Variants in TMCO6 observed in about 807,000 individuals in gnomAD.
TMCO6 encodes the protein transmembrane and coiled-coil domains 6.
Under a neutral mutation model 61.8 loss-of-function variants are expected in TMCO6, and 47 were observed. The ratio of observed to expected loss-of-function variants is 0.76; its 90% CI spans 0.60 to 0.97. The LOEUF is 0.97. TMCO6 is among the 50% of genes least tolerant of loss of function. The pLI is 0.00. For missense variants in TMCO6, 557 were observed against 601.6 expected, an observed-to-expected ratio of 0.93 and a Z score of 0.78; for synonymous variants, 261 against 254.2, an observed-to-expected ratio of 1.03 and a Z score of -0.25.
chr5:140,647,354 A>G (rs776402455), downstream of TMCO6: 16 of 1,609,712 alleles, frequency 9.9e-6, no homozygotes, highest in South Asian at 3.3e-5. Flanking sequence ...GCGTTTCTCA[A>G]TGAAGTCCCT....
chr5:140,644,195 G>T lies in TMCO6; in HGVS notation c.1200+1G>T, dbSNP rs1321336407. On this transcript the variant is annotated splice_donor_variant, in intron 10 of 11. Transcript: ENST00000394671. LOFTEE classifies it high-confidence loss of function. ...AGTATCTAACGTGGTGAGCGTAATG[G>T]TATGTATTGGGGTTACTTGAATCCA... 1 of 1,613,798 alleles carries T rather than the reference G, an allele frequency of 6.2e-7. No individual in the cohort carries two copies. The highest frequency in any genetic ancestry group is 1.7e-5 in the Admixed American group (1 of 59,992).
At chr5:140,645,903 T>C (rs942181257), downstream of TMCO6, among the ~76,000 whole-genome samples, 5 of 152,068 alleles carry the variant, frequency 3.3e-5, no homozygotes, top group African/African-American at 1.2e-4. Flanking sequence ...ATGGCCGCAA[T>C]GGGTTGTTTC....
the TMCO6 span, among the ~76,000 whole-genome samples, chr5:140,608,751 C>T: frequency 6.6e-6 from 1 of 152,168 alleles, no homozygotes; most frequent in Admixed American, 6.5e-5. Context: ...TTAGTTGAAA[C>T]TAGTGTTTCC....
At chr5:140,626,791 ATCC>A in the TMCO6 span, among the ~76,000 whole-genome samples, 1 of 152,138 alleles carries the variant, frequency 6.6e-6, no homozygotes, top group Non-Finnish European at 1.5e-5. Flanking sequence ...ACCTCAGGCA[ATCC>A]TCCTGCCTTG....
rs571548789 is a variant in TMCO6, at chr5:140,645,129, T to C, written c.*31T>C. The stretch of plus-strand genomic sequence containing the variant: ...TTTCTCAATGTCACTCATTCCCCTC[T>C]CTCTTAACATCAAGCTTGTTTGTCC... On this transcript the variant is annotated 3_prime_UTR_variant, in exon 12 of 12. Coordinates refer to ENST00000394671, the MANE Select transcript of TMCO6 (RefSeq NM_018502.5). 1 of 1,597,392 alleles carries C rather than the reference T, an allele frequency of 6.3e-7. No individual in the cohort carries two copies. The highest frequency in any genetic ancestry group is 1.1e-5 in the South Asian group (1 of 90,750).
At chr5:140,629,187 T>G in the TMCO6 span, among the ~76,000 whole-genome samples, 1 of 152,234 alleles carries the variant, frequency 6.6e-6, no homozygotes, top group Middle Eastern at 3.4e-3. Context: ...GAGCATCACT[T>G]GAACCCCAGA....
At chr5:140,609,587 C>G in the TMCO6 span, among the ~76,000 whole-genome samples, 1 of 146,950 alleles carries the variant, frequency 6.8e-6, no homozygotes, top group African/African-American at 2.6e-5. Context: ...CATGGGGCAA[C>G]AGGCATAGAA....
chr5:140,632,706 C>T, the TMCO6 span: 2 of 1,613,690 alleles, frequency 1.2e-6, no homozygotes, highest in Non-Finnish European at 1.7e-6. This position sits in a 1 kb window ranked among gnomAD's most constrained non-coding sequence, Gnocchi z 6.2. Flanking sequence ...CACTGTGAGC[C>T]GCCGCACGCG....
the TMCO6 span, among the ~76,000 whole-genome samples, chr5:140,613,410 A>C: frequency 5.7e-4 from 62 of 109,548 alleles, 1 homozygote; most frequent in African/African-American, 1.7e-3. Flanking sequence ...AAAAAAAAAA[A>C]AAAAAATGGT....
At chr5:140,627,203 CTT>C in the TMCO6 span, among the ~76,000 whole-genome samples, 40 of 147,652 alleles carry the variant, frequency 2.7e-4, no homozygotes, top group African/African-American at 3.2e-4. Context: ...GTCTCAGCAA[CTT>C]TTTTTTTTTT....
chr5:140,602,759 G>A, the TMCO6 span, among the ~76,000 whole-genome samples: 3 of 150,330 alleles, frequency 2.0e-5, no homozygotes, highest in Non-Finnish European at 4.4e-5. Context: ...GCAAAACTCT[G>A]TCTCTCTCAC....
the TMCO6 span, among the ~76,000 whole-genome samples, chr5:140,622,552 A>G: frequency 6.6e-6 from 1 of 152,154 alleles, no homozygotes; most frequent in South Asian, 2.1e-4. Context: ...GCCATCTGCA[A>G]AAGGATGTTA....
At chr5:140,635,752 G>A (rs1211814273), upstream of TMCO6, among the ~76,000 whole-genome samples, 1 of 152,186 alleles carries the variant, frequency 6.6e-6, no homozygotes, top group Non-Finnish European at 1.5e-5. Flanking sequence ...AGAAACCAAA[G>A]GCTTGTGTTG....
At chr5:140,625,400 T>C in the TMCO6 span, among the ~76,000 whole-genome samples, 2 of 152,216 alleles carry the variant, frequency 1.3e-5, no homozygotes, top group Non-Finnish European at 1.5e-5. Flanking sequence ...ATTGCCAATG[T>C]CTTCCAGGGC....
chr5:140,608,371 T>C, the TMCO6 span, among the ~76,000 whole-genome samples: 1 of 152,240 alleles, frequency 6.6e-6, no homozygotes, highest in Non-Finnish European at 1.5e-5. Context: ...GTTGCCGAGT[T>C]GTAGGAATCC....
chr5:140,642,522 C>T (rs1373869010), intron 5 of TMCO6, 64 bp from the exon 6 acceptor site: 1 of 1,605,318 alleles, frequency 6.2e-7, no homozygotes, highest in African/African-American at 1.3e-5. Flanking sequence ...TGCCAAGGGG[C>T]TGAAAGTCTC....
chr5:140,602,441 G>T, the TMCO6 span, among the ~76,000 whole-genome samples: 24 of 152,166 alleles, frequency 1.6e-4, no homozygotes, highest in Non-Finnish European at 3.4e-4. Flanking sequence ...CTTAATTGAG[G>T]TGAAATTCAT....
chr5:140,635,617 G>A (rs1347880240), upstream of TMCO6, among the ~76,000 whole-genome samples: 2 of 152,204 alleles, frequency 1.3e-5, no homozygotes, highest in East Asian at 3.9e-4. Flanking sequence ...CCGAGTACTA[G>A]GGTTGGTAGA....
chr5:140,632,745 C>G, the TMCO6 span: 56 of 1,613,374 alleles, frequency 3.5e-5, 1 homozygote, highest in South Asian at 5.9e-4. This position sits in a 1 kb window ranked among gnomAD's most constrained non-coding sequence, Gnocchi z 6.2. Flanking sequence ...AGCATACTGC[C>G]GCGGGTCGGC....
Sources: allele counts gnomAD v4.1 joint callset (sites outside exome capture counted in the v4.1 genomes callset), GRCh38; gene constraint gnomAD v4.1.1; non-coding constraint Gnocchi (gnomAD v3.1); transcripts MANE v1.5; gene names NCBI Gene and HGNC (gene_info 2026-07-23, HGNC 2026-07-21).